The following FRAS1 variants were observed in gnomAD, a reference collection of about 807,000 sequenced individuals.
FRAS1 encodes the protein extracellular matrix organizing protein FRAS1.
FRAS1 carries 290 observed loss-of-function variants against 435.2 expected under a neutral mutation model. That is an observed-to-expected ratio of 0.67 (90% CI 0.61 to 0.73). FRAS1 has a LOEUF of 0.73. FRAS1 is among the 30% of genes least tolerant of loss of function. The probability of loss-of-function intolerance (pLI) is 0.00; values close to 1 mark genes in which losing one functional copy is unlikely to be tolerated. For missense variants in FRAS1, 4,860 were observed against 5,001.5 expected (o/e 0.97, Z 0.85); for synonymous variants, 1,800 against 1,851.0 (o/e 0.97, Z 0.71).
intron 65 of FRAS1, among the ~76,000 whole-genome samples, chr4:78,514,692 G>A (rs753421663): frequency 3.3e-5 from 5 of 152,110 alleles, no homozygotes; most frequent in Admixed American, 1.3e-4. Context: ...TCATGGGGCA[G>A]AGGGCTAGGT....
chr4:78,403,262 G>A lies in FRAS1; in HGVS notation c.4129+2375G>A, dbSNP rs374727670. 5.3e-5 allele frequency among the ~76,000 whole-genome samples: 8 copies of A among 151,896 alleles called. No individual in the cohort carries two copies. In the East Asian group the frequency reaches 7.7e-4, roughly 15 times the overall value. ...TCCATTAAGTCTTAAACAAAACAAC[G>A]CTGAATTAAATGTTTTTTTAAGCAG... On this transcript the variant is annotated intron_variant, in intron 30 of 73. Transcript: ENST00000512123.
At chr4:78,100,039 T>C (rs746867292) in intron 2 of FRAS1, among the ~76,000 whole-genome samples, 1 of 152,230 alleles carries the variant, frequency 6.6e-6, no homozygotes, top group African/African-American at 2.4e-5. Context: ...CTTTCTCTTA[T>C]GTTCTTTAAC....
chr4:78,124,568 C>T (rs898929824), intron 2 of FRAS1, among the ~76,000 whole-genome samples: 2 of 152,080 alleles, frequency 1.3e-5, no homozygotes, highest in African/African-American at 4.8e-5. Flanking sequence ...CTCTTTGTAC[C>T]TTTGGTAGAA....
Position 78,337,661 on chromosome 4 carries a change from G to T in FRAS1, c.2279-13G>T. On this transcript the variant is annotated splice_polypyrimidine_tract_variant and intron_variant, in intron 19 of 73. Coordinates refer to ENST00000512123, the MANE Select transcript of FRAS1 (RefSeq NM_025074.7). ...GCTGCTAATTCCAATCCTGGTTTTC[G>T]TCCCCCTGCCAGAGTGTCACCCAAC... 6.2e-7 allele frequency: 1 copy of T among 1,607,298 alleles called. No individual in the cohort carries two copies. Among genetic ancestry groups the T allele is most frequent in the Non-Finnish European group, 8.5e-7 (1 of 1,174,790 alleles).
chr4:78,479,184 A>G (rs564612864), intron 55 of FRAS1, among the ~76,000 whole-genome samples, 190 bp from the exon 56 acceptor site: 2 of 152,252 alleles, frequency 1.3e-5, no homozygotes, highest in Non-Finnish European at 2.9e-5. Context: ...TATCTGGGGT[A>G]TATTAAATCC....
intron 37 of FRAS1, 111 bp downstream of exon 37, chr4:78,430,528 A>C (rs1371471124): frequency 3.2e-5 from 35 of 1,089,534 alleles, no homozygotes; most frequent in Non-Finnish European, 1.0e-5. Context: ...GATACAGACT[A>C]TGAGGAGCTA....
chr4:78,450,710 T>C (rs1004806474), intron 45 of FRAS1, among the ~76,000 whole-genome samples: 3 of 152,142 alleles, frequency 2.0e-5, no homozygotes, highest in Non-Finnish European at 4.4e-5. Context: ...GCAATTTATA[T>C]CTCTTTTCAG....
chr4:78,120,794 T>A (rs1359034218), intron 2 of FRAS1, among the ~76,000 whole-genome samples: 5 of 152,212 alleles, frequency 3.3e-5, no homozygotes, highest in African/African-American at 1.2e-4. Flanking sequence ...AGGCTTTCTC[T>A]CCCACAGTCT....
At chr4:78,304,750 CT>C (rs1728614537) in intron 14 of FRAS1, among the ~76,000 whole-genome samples, 1 of 151,962 alleles carries the variant, frequency 6.6e-6, no homozygotes, top group African/African-American at 2.4e-5. Context: ...TTTGATTCTT[CT>C]TTTTTTCTTT....
At chr4:78,252,162 T>C (rs1305926431) in intron 4 of FRAS1, among the ~76,000 whole-genome samples, 1 of 152,174 alleles carries the variant, frequency 6.6e-6, no homozygotes, top group East Asian at 1.9e-4. Context: ...TTCTGAAATT[T>C]GTAAATAAAA....
chr4:78,538,971 A>C (rs1266442825), intron 72 of FRAS1, among the ~76,000 whole-genome samples: 1 of 150,300 alleles, frequency 6.7e-6, no homozygotes, highest in Non-Finnish European at 1.5e-5. Flanking sequence ...AAAAAAAAAA[A>C]AATCAGATCT....
At chr4:78,298,513 A>G (rs1240067797) in intron 14 of FRAS1, among the ~76,000 whole-genome samples, 2 of 151,868 alleles carry the variant, frequency 1.3e-5, no homozygotes, top group African/African-American at 4.9e-5. Context: ...GCCATGGAAC[A>G]TGTCTTTTGT....
At chr4:78,181,620 C>T in intron 2 of FRAS1, 2 of 1,610,650 alleles carry the variant, frequency 1.2e-6, no homozygotes, top group Non-Finnish European at 1.7e-6. Context: ...CCCTTTTCTT[C>T]AAGTGGCTTT....
At position 78,498,932 on chromosome 4, in the gene FRAS1, C is replaced by T. The variant is rs142689693; in HGVS notation, c.9116-789C>T. Among the ~76,000 whole-genome samples the T allele has an allele frequency of 9.7e-4, 148 of 152,052 alleles. 1 individual carries two copies. In the Middle Eastern group the frequency reaches 0.024, roughly 24 times the overall value. ...GGGCAATTATGGCTCACTGTAGCCT[C>T]GACCACCAGGGCTCAAGTGACTCTC... On this transcript the variant is annotated intron_variant, in intron 60 of 73. Transcript: ENST00000512123.
At chr4:78,252,893 C>T (rs1430987619) in intron 5 of FRAS1, among the ~76,000 whole-genome samples, 1 of 152,156 alleles carries the variant, frequency 6.6e-6, no homozygotes, top group Non-Finnish European at 1.5e-5. Context: ...ATTAGAATTA[C>T]TGATGAGGGT....
chr4:78,507,554 G>T lies in FRAS1; in HGVS notation c.9450G>T (p.Val3150=), dbSNP rs372168929. 41 of 1,610,880 alleles carry T rather than the reference G, an allele frequency of 2.5e-5. No homozygotes were observed. In the Admixed American group the frequency reaches 3.0e-4, roughly 12 times the overall value. Residue 3150 remains valine (V), a synonymous_variant, in exon 62 of 74, where the codon GTG becomes GTT. Transcript: ENST00000512123. ...TTGGGGATGTGACTACTGCCACGGT[G>T]ACAATTCTAGACCAGGAGGCAGCAG... The part of the protein sequence containing the change: ...AVLGDVTTAT[V]TILDQEAAGS...
intron 2 of FRAS1, among the ~76,000 whole-genome samples, chr4:78,194,294 A>G (rs1301105672): frequency 2.0e-5 from 3 of 152,120 alleles, no homozygotes; most frequent in African/African-American, 7.2e-5. Context: ...CATTCTCTAT[A>G]TTTCCTGAAT....
At chr4:78,323,185 G>A (rs1729575608) in intron 18 of FRAS1, among the ~76,000 whole-genome samples, 2 of 152,200 alleles carry the variant, frequency 1.3e-5, no homozygotes, top group Admixed American at 1.3e-4. Flanking sequence ...AGGCCTCTAT[G>A]TTTCCAAAGT....
chr4:78,515,879 A>G lies in FRAS1; in HGVS notation c.10255A>G (p.Ser3419Gly). 1.2e-6 allele frequency: 2 copies of G among 1,613,960 alleles called. No homozygotes were observed. The highest frequency in any genetic ancestry group is 1.7e-6 in the Non-Finnish European group (2 of 1,179,868). Reference sequence around the variant, plus strand: ...CGATCGCCCCTTCCAGTTTGACCCCAGCGTGCGAGAGCCGAAGACCATCCA... The same window carrying G: ...CGATCGCCCCTTCCAGTTTGACCCCGGCGTGCGAGAGCCGAAGACCATCCA... ...GYDRPFQFDP[S>G]VREPKTIQLY... Residue 3419 changes from serine to glycine, a missense_variant, in exon 66 of 74, where the codon AGC (serine) becomes GGC (glycine). Coordinates refer to ENST00000512123, the MANE Select transcript of FRAS1 (RefSeq NM_025074.7).
Sources: allele counts gnomAD v4.1 joint callset (sites outside exome capture counted in the v4.1 genomes callset), GRCh38; gene constraint gnomAD v4.1.1; transcripts MANE v1.5; gene names NCBI Gene and HGNC (gene_info 2026-07-23, HGNC 2026-07-21).